The following ALK variants were observed in gnomAD, a reference collection of about 807,000 sequenced individuals.
ALK encodes the protein ALK receptor tyrosine kinase.
In ALK, 74 loss-of-function variants were observed where a neutral mutation model predicts 163.1. The ratio of observed to expected loss-of-function variants is 0.45; its 90% CI spans 0.38 to 0.55. ALK has a LOEUF of 0.55. Among genes scored for constraint, ALK ranks in the 20% least tolerant of loss-of-function variants. The pLI is 0.00. For synonymous variants in ALK, 960 were observed against 843.2 expected, an observed-to-expected ratio of 1.14 and a Z score of -2.40; for missense variants, 2,063 against 2,105.3, an observed-to-expected ratio of 0.98 and a Z score of 0.39.
At chr2:29,335,502 A>C (rs1262384168) in intron 5 of ALK, among the ~76,000 whole-genome samples, 1 of 152,190 alleles carries the variant, frequency 6.6e-6, no homozygotes, top group Non-Finnish European at 1.5e-5. Context: ...ACAAAGAACT[A>C]CAGAAGGTAA....
At chr2:29,684,331 C>A (rs1678174348) in intron 3 of ALK, among the ~76,000 whole-genome samples, 1 of 152,190 alleles carries the variant, frequency 6.6e-6, no homozygotes, top group African/African-American at 2.4e-5. Context: ...CCACTCAATT[C>A]ACCAATTTAG....
intron 11 of ALK, among the ~76,000 whole-genome samples, chr2:29,265,007 GT>G (rs997620806): frequency 4.8e-5 from 7 of 146,050 alleles, no homozygotes; most frequent in African/African-American, 5.0e-5. Context: ...AGGGTGCCCT[GT>G]TTTTTTTTTG....
At chr2:29,571,907 C>T (rs1558389773) in intron 3 of ALK, among the ~76,000 whole-genome samples, 1 of 152,124 alleles carries the variant, frequency 6.6e-6, no homozygotes, top group Non-Finnish European at 1.5e-5. Flanking sequence ...AACTAGAGCA[C>T]CCCACTGGCA....
intron 5 of ALK, among the ~76,000 whole-genome samples, chr2:29,350,847 T>C (rs187440409): frequency 1.3e-3 from 202 of 152,312 alleles, no homozygotes; most frequent in Non-Finnish European, 2.4e-3. Context: ...GAACTATAGC[T>C]TGCCTGCACC....
chr2:29,353,077 A>G (rs1019627279), intron 5 of ALK, among the ~76,000 whole-genome samples: 5 of 152,244 alleles, frequency 3.3e-5, no homozygotes, highest in Non-Finnish European at 5.9e-5. Flanking sequence ...ATTGTTTAGG[A>G]GTCATGCAGC....
Position 29,419,803 on chromosome 2 carries a change from C to A in ALK, c.1155-35944G>T, listed in dbSNP as rs1370712816. 2.0e-5 allele frequency among the ~76,000 whole-genome samples: 3 copies of A among 151,432 alleles called. No individual in the cohort carries two copies. In the East Asian group the frequency reaches 5.8e-4, roughly 29 times the overall value. On this transcript the variant is annotated intron_variant, in intron 4 of 28. Coordinates refer to ENST00000389048, the MANE Select transcript of ALK (RefSeq NM_004304.5). Reference sequence around the variant, plus strand: ...ATGGAGACACCTTGGGAAGCTACTGCAGGAATCAAACTTTGAGAGGAGAAA... The same window carrying A: ...ATGGAGACACCTTGGGAAGCTACTGAAGGAATCAAACTTTGAGAGGAGAAA...
intron 5 of ALK, among the ~76,000 whole-genome samples, chr2:29,380,934 G>T (rs1668880781): frequency 6.6e-6 from 1 of 152,210 alleles, no homozygotes; most frequent in African/African-American, 2.4e-5. Context: ...GAGACAGATA[G>T]AATACAGGCA....
Position 29,309,304 on chromosome 2 carries a change from G to A in ALK, c.1647+9000C>T, listed in dbSNP as rs145496276. On this transcript the variant is annotated intron_variant, in intron 8 of 28. Coordinates refer to ENST00000389048, the MANE Select transcript of ALK (RefSeq NM_004304.5). ...TGAATGTGTTGCAATGACCACTAGTGGGAGCCAGAGAGGTCTGTGATTAAC... is the reference window on the plus strand; with the variant it reads ...TGAATGTGTTGCAATGACCACTAGTAGGAGCCAGAGAGGTCTGTGATTAAC... Among the ~76,000 whole-genome samples the A allele has an allele frequency of 2.2e-3, 329 of 152,254 alleles. 4 individuals carry two copies. The highest frequency in any genetic ancestry group is 0.018 in the East Asian group (94 of 5,174).
Position 29,920,801 on chromosome 2 carries a change from A to G in ALK, c.-142T>C, listed in dbSNP as rs1667980318. 1.3e-6 allele frequency: 1 copy of G among 741,598 alleles called. No individual in the cohort carries two copies. Among genetic ancestry groups the G allele is most frequent in the Non-Finnish European group, 2.2e-6 (1 of 461,220 alleles). 45.9% of individuals were successfully genotyped at this position (741,598 alleles called of 1,614,324 possible). A position where few individuals can be genotyped will look rare whatever the true frequency, so the allele number is the denominator to read the frequency against. ...CTCCAGAGGACTGTGCGTGCGCGCA[A>G]GTCTCTTGCTTTCCCCCAACTGCAC... On this transcript the variant is annotated 5_prime_UTR_variant, in exon 1 of 29. Coordinates refer to ENST00000389048, the MANE Select transcript of ALK (RefSeq NM_004304.5).
intron 1 of ALK, among the ~76,000 whole-genome samples, chr2:29,771,781 G>A (rs183510700): frequency 6.3e-4 from 95 of 151,978 alleles, no homozygotes; most frequent in Middle Eastern, 3.5e-3. Flanking sequence ...TGATCCGCCC[G>A]CCTCGACCTC....
At chr2:29,730,510 GAC>G (rs1200667191) in intron 1 of ALK, among the ~76,000 whole-genome samples, 1 of 152,110 alleles carries the variant, frequency 6.6e-6, no homozygotes, top group Non-Finnish European at 1.5e-5. Context: ...TGTGGCCAAT[GAC>G]ACACCCCACA....
chr2:29,548,623 G>T (rs1673627368), intron 3 of ALK, among the ~76,000 whole-genome samples: 2 of 152,144 alleles, frequency 1.3e-5, no homozygotes, highest in Admixed American at 1.3e-4. Flanking sequence ...GGCTTCTGTT[G>T]TTTTGGAGCT....
At chr2:29,800,886 G>A (rs1238728923) in intron 1 of ALK, among the ~76,000 whole-genome samples, 1 of 152,178 alleles carries the variant, frequency 6.6e-6, no homozygotes, top group Non-Finnish European at 1.5e-5. Context: ...GTGATGTGTG[G>A]TGACAGATCA....
chr2:29,668,499 C>A (rs1677585668), intron 3 of ALK, among the ~76,000 whole-genome samples: 1 of 151,888 alleles, frequency 6.6e-6, no homozygotes, highest in South Asian at 2.1e-4. Flanking sequence ...TTCTTATTTT[C>A]TTCATTGACC....
At chr2:29,647,838 T>C (rs1417581778) in intron 3 of ALK, among the ~76,000 whole-genome samples, 3 of 151,744 alleles carry the variant, frequency 2.0e-5, no homozygotes, top group Non-Finnish European at 4.4e-5. Context: ...ATGTTTTTCT[T>C]AAAACCAACT....
At chr2:29,769,394 G>A (rs1456783538) in intron 1 of ALK, among the ~76,000 whole-genome samples, 1 of 152,010 alleles carries the variant, frequency 6.6e-6, no homozygotes, top group Admixed American at 6.6e-5. Flanking sequence ...GAAAGCTCAC[G>A]ATTACAGCCA....
intron 1 of ALK, among the ~76,000 whole-genome samples, chr2:29,896,907 G>A (rs4578812): frequency 0.75 from 113,766 of 152,166 alleles, 42,648 homozygotes; most frequent in East Asian, 0.78. Context: ...TACACACCAA[G>A]CTATTAACAC....
chr2:29,779,235 A>T (rs1040354159), intron 1 of ALK, among the ~76,000 whole-genome samples: 7 of 152,162 alleles, frequency 4.6e-5, no homozygotes, highest in Admixed American at 6.5e-5. Flanking sequence ...GGTTAAGTCG[A>T]AATAATTTGC....
chr2:29,256,014 G>A lies in ALK; in HGVS notation c.2042-4747C>T, dbSNP rs560619804. Reference sequence around the variant, plus strand: ...AGGGTAGACATGAGATCAGCTCTACGCTAAGACAGGTTGAGTCAGAACCAT... The same window carrying A: ...AGGGTAGACATGAGATCAGCTCTACACTAAGACAGGTTGAGTCAGAACCAT... On this transcript the variant is annotated intron_variant, in intron 11 of 28. Coordinates refer to ENST00000389048, the MANE Select transcript of ALK (RefSeq NM_004304.5). Among the ~76,000 whole-genome samples, 13 of 152,292 alleles carry A rather than the reference G, an allele frequency of 8.5e-5. No individual in the cohort carries two copies. In the South Asian group the frequency reaches 2.7e-3, roughly 32 times the overall value.
Sources: gnomAD v4.1 joint callset for allele counts (sites outside exome capture counted in the v4.1 genomes callset) on GRCh38, gnomAD v4.1.1 for gene constraint, MANE v1.5 for transcripts, NCBI Gene and HGNC (gene_info 2026-07-23, HGNC 2026-07-21) for gene names.